The following ADCY10 variants were observed in gnomAD, a reference collection of about 807,000 sequenced individuals.
The protein encoded by ADCY10 is adenylate cyclase 10.
Under a neutral mutation model 183.3 loss-of-function variants are expected in ADCY10, and 156 were observed. The ratio of observed to expected loss-of-function variants is 0.85; its 90% CI spans 0.75 to 0.97. The LOEUF is 0.97. Among genes scored for constraint, ADCY10 ranks in the 50% least tolerant of loss-of-function variants. ADCY10 has a pLI of 0.00. For missense variants in ADCY10, 1,745 were observed against 1,934.3 expected (o/e 0.90, Z 1.84); for synonymous variants, 645 against 670.0 (o/e 0.96, Z 0.58).
At chr1:167,884,371 G>A (rs1668073470) in intron 8 of ADCY10, among the ~76,000 whole-genome samples, 1 of 152,092 alleles carries the variant, frequency 6.6e-6, no homozygotes, top group Non-Finnish European at 1.5e-5. Context: ...CAGATCCCAT[G>A]AGAACTCATT....
intron 8 of ADCY10, among the ~76,000 whole-genome samples, chr1:167,888,120 C>A (rs113884465): frequency 0.061 from 9,298 of 152,238 alleles, 372 homozygotes; most frequent in Middle Eastern, 0.12. Flanking sequence ...TTTCTCTATT[C>A]TGTTCCACTG....
chr1:167,883,718 G>A (rs956714490), intron 8 of ADCY10, 90 bp from the exon 9 acceptor site: 1 of 1,218,218 alleles, frequency 8.2e-7, no homozygotes, highest in Non-Finnish European at 1.2e-6. Context: ...AAATCATCTA[G>A]GGAATGTCTA....
At chr1:167,872,007 A>G (rs982813767) in intron 13 of ADCY10, among the ~76,000 whole-genome samples, 2 of 152,178 alleles carry the variant, frequency 1.3e-5, no homozygotes, top group Admixed American at 1.3e-4. Flanking sequence ...TGTACCCTAG[A>G]ACTTAAAGTA....
chr1:167,849,172 A>G (rs549083747), intron 18 of ADCY10, among the ~76,000 whole-genome samples: 196 of 152,260 alleles, frequency 1.3e-3, no homozygotes, highest in Non-Finnish European at 2.5e-3. Flanking sequence ...ATATATATAC[A>G]TAAACATATA....
chr1:167,896,583 G>T lies in ADCY10; in HGVS notation c.739+12C>A. 1 of 1,595,718 alleles carries T rather than the reference G, an allele frequency of 6.3e-7. No homozygotes were observed. Among genetic ancestry groups the T allele is most frequent in the Non-Finnish European group, 8.6e-7 (1 of 1,163,426 alleles). ...GTAGAGGCAAAGGCATTTTTCCATG[G>T]TGGGTACTTACTTTTGTGCTCACCA... is the stretch of plus-strand genomic sequence containing the variant. On this transcript the variant is annotated intron_variant, in intron 7 of 32. Coordinates refer to ENST00000367851, the MANE Select transcript of ADCY10 (RefSeq NM_018417.6).
intron 2 of ADCY10, 118 bp downstream of exon 2, chr1:167,904,875 C>T (rs1669706885): frequency 1.5e-6 from 2 of 1,353,314 alleles, no homozygotes; most frequent in East Asian, 4.7e-5. Flanking sequence ...AGCACATCTG[C>T]TGTGACAGCC....
At chr1:167,890,417 A>G (rs1668509169) in intron 8 of ADCY10, among the ~76,000 whole-genome samples, 1 of 151,726 alleles carries the variant, frequency 6.6e-6, no homozygotes, top group Non-Finnish European at 1.5e-5. Flanking sequence ...TGGAGTCTCT[A>G]TTTCTCTGTG....
rs115023812 is a variant in ADCY10, at chr1:167,899,084, C to T, written c.642+339G>A. 6.4e-3 allele frequency among the ~76,000 whole-genome samples: 974 copies of T among 152,278 alleles called. 11 individuals are homozygous for T. Among genetic ancestry groups the T allele is most frequent in the African/African-American group, 0.023 (946 of 41,554 alleles). On this transcript the variant is annotated intron_variant, in intron 6 of 32. Transcript: ENST00000367851. The stretch of plus-strand genomic sequence containing the variant: ...GGGTAAAGAAAGTGAGGGTCAATGA[C>T]AGCCTTTAAAACTATTCCCCTCTGC...
chr1:167,882,049 T>C (rs1007636533), intron 9 of ADCY10, among the ~76,000 whole-genome samples: 17 of 152,352 alleles, frequency 1.1e-4, no homozygotes, highest in African/African-American at 4.1e-4. Flanking sequence ...AAATGCTTGT[T>C]GAATTAGTGA....
intron 16 of ADCY10, among the ~76,000 whole-genome samples, chr1:167,858,778 C>A (rs1177317871): frequency 6.6e-6 from 1 of 151,970 alleles, no homozygotes; most frequent in Non-Finnish European, 1.5e-5. Flanking sequence ...GGACTTATTT[C>A]GAGAGTATAA....
intron 12 of ADCY10, among the ~76,000 whole-genome samples, chr1:167,877,397 C>T (rs1186783151): frequency 6.6e-6 from 1 of 151,558 alleles, no homozygotes; most frequent in Non-Finnish European, 1.5e-5. Context: ...CTCAGGAATA[C>T]TGAAGGGAAT....
chr1:167,880,797 T>C (rs534525143), intron 9 of ADCY10, among the ~76,000 whole-genome samples, 188 bp from the exon 10 acceptor site: 1 of 152,346 alleles, frequency 6.6e-6, no homozygotes, highest in South Asian at 2.1e-4. Context: ...CAGGAGGGCT[T>C]GAGCCTTGAG....
At position 167,845,708 on chromosome 1, in the gene ADCY10, G is replaced by A; in HGVS notation, c.2862C>T (p.Ala954=). Residue 954 remains alanine, a synonymous_variant, in exon 21 of 33, where the codon GCC becomes GCT. Coordinates refer to ENST00000367851, the MANE Select transcript of ADCY10 (RefSeq NM_018417.6). ...DQRKAMHLKC[A]RFLEEDAHRC... is the part of the protein sequence containing the mutation. ...TGTGGGCATCTTCTTCTAAAAAGCG[G>A]GCACATTTCAAGTGCATGGCTTTTC... is the stretch of plus-strand genomic sequence containing the variant. 6.2e-7 allele frequency: 1 copy of A among 1,614,130 alleles called. No homozygotes were observed.
At chr1:167,865,043 T>C (rs1268621305) in intron 14 of ADCY10, among the ~76,000 whole-genome samples, 1 of 152,196 alleles carries the variant, frequency 6.6e-6, no homozygotes, top group Non-Finnish European at 1.5e-5. Context: ...CAAAGAATTA[T>C]CTGCGAAAGT....
intron 3 of ADCY10, among the ~76,000 whole-genome samples, chr1:167,902,996 T>C (rs769182319): frequency 2.0e-5 from 3 of 152,260 alleles, no homozygotes; most frequent in Non-Finnish European, 2.9e-5. Context: ...GGCTTACGCC[T>C]ATAATCCCAG....
intron 14 of ADCY10, among the ~76,000 whole-genome samples, chr1:167,866,455 T>C (rs895667279): frequency 6.7e-6 from 1 of 149,350 alleles, no homozygotes; most frequent in African/African-American, 2.4e-5. Context: ...AAGCTTTTCA[T>C]GAGTTGAAAG....
At chr1:167,857,654 G>A (rs552757852) in intron 16 of ADCY10, among the ~76,000 whole-genome samples, 2 of 152,244 alleles carry the variant, frequency 1.3e-5, no homozygotes, top group East Asian at 3.9e-4. Context: ...TACTTACTAT[G>A]TTCCAAGTAC....
chr1:167,894,853 T>A (rs1282237348), intron 7 of ADCY10, among the ~76,000 whole-genome samples: 1 of 152,158 alleles, frequency 6.6e-6, no homozygotes, highest in African/African-American at 2.4e-5. Flanking sequence ...ATTCAACCAA[T>A]GAAATCCTGC....
In ADCY10 at chr1:167,837,261, G is replaced by T. The variant is rs1422815141; in HGVS notation, c.3065C>A (p.Pro1022His). The change falls in exon 22 of 33, where the codon CCT becomes CAT. Residue 1022 changes from proline (P) to histidine (H), a missense_variant. Pro to His is a moderately conservative substitution (Grantham distance 77). Coordinates refer to ENST00000367851, the MANE Select transcript of ADCY10 (RefSeq NM_018417.6). Reference protein sequence around the residue: ...SEIPETSAFFPENRSPEEIRE... With the variant: ...SEIPETSAFFHENRSPEEIRE... ...TATATGCCTCTACCTGCGATTTTCA[G>T]GAAAAAATGCAGATGTCTCAGGAAT... The T allele has an allele frequency of 1.4e-5, 22 of 1,613,506 alleles. No homozygotes were observed. Among genetic ancestry groups the T allele is most frequent in the Non-Finnish European group, 1.7e-5 (20 of 1,179,678 alleles).
Sources: allele counts gnomAD v4.1 joint callset (sites outside exome capture counted in the v4.1 genomes callset), GRCh38; gene constraint gnomAD v4.1.1; transcripts MANE v1.5; gene names NCBI Gene and HGNC (gene_info 2026-07-23, HGNC 2026-07-21).